Variants in OXR1 observed in about 807,000 individuals in gnomAD.
OXR1 encodes the protein oxidation resistance protein 1.
Under a neutral mutation model 104.6 loss-of-function variants are expected in OXR1, and 41 were observed. The ratio of observed to expected loss-of-function variants is 0.39; its 90% CI spans 0.31 to 0.51. The LOEUF is 0.51. Ranked by LOEUF, OXR1 falls within the 20% of genes least tolerant of loss-of-function variation. The pLI, the probability that OXR1 is intolerant of heterozygous loss-of-function variation, is 0.77. For synonymous variants in OXR1, 348 were observed against 348.4 expected (o/e 1.00, Z 0.01); for missense variants, 955 against 1,031.9 (o/e 0.93, Z 1.02).
At chr8:106,687,309 A>G (rs1270379162) in intron 6 of OXR1, among the ~76,000 whole-genome samples, 1 of 152,088 alleles carries the variant, frequency 6.6e-6, no homozygotes. Context: ...AAATTTAGGT[A>G]TCTGTTTCTC....
At chr8:106,443,924 A>C (rs1300272168) in intron 2 of OXR1, among the ~76,000 whole-genome samples, 1 of 152,194 alleles carries the variant, frequency 6.6e-6, no homozygotes. Context: ...GAATGGGAGA[A>C]AATTTTTGAA....
chr8:106,740,258 G>A (rs1014947569), intron 13 of OXR1, 85 bp from the exon 14 acceptor site: 1 of 909,920 alleles, frequency 1.1e-6, no homozygotes, highest in Non-Finnish European at 1.7e-6. Flanking sequence ...TATTATATAG[G>A]CACCATTACA....
chr8:106,673,023 A>T (rs1416121484), intron 3 of OXR1, among the ~76,000 whole-genome samples: 2 of 152,174 alleles, frequency 1.3e-5, no homozygotes, highest in African/African-American at 4.8e-5. Flanking sequence ...TGGAACTACA[A>T]AGTGGGGTAC....
intron 1 of OXR1, among the ~76,000 whole-genome samples, chr8:106,346,488 G>C (rs1467344787): frequency 6.6e-6 from 1 of 152,144 alleles, no homozygotes; most frequent in Non-Finnish European, 1.5e-5. Flanking sequence ...AGAACATAAA[G>C]AATTGTGGCT....
In OXR1 at chr8:106,604,690, T is replaced by A. The variant is rs75240871; in HGVS notation, c.221-74520T>A. The stretch of plus-strand genomic sequence containing the variant: ...ATAAACGTTTCTAGGAAACAGATGC[T>A]TAACAAATGGTTGTACAGCTGTTTG... On this transcript the variant is annotated intron_variant, in intron 3 of 16. Transcript: ENST00000517566. 725 of 152,324 alleles carry A rather than the reference T, an allele frequency of 4.8e-3. 9 individuals are homozygous for A. The highest frequency in any genetic ancestry group is 0.017 in the African/African-American group (694 of 41,582). The allele number at this position is 152,324 out of a possible 1,614,324, so 9.4% of individuals were successfully genotyped here. A position where few individuals can be genotyped will look rare whatever the true frequency, so the allele number is the denominator to read the frequency against.
At chr8:106,601,419 G>A (rs1050713682) in intron 3 of OXR1, among the ~76,000 whole-genome samples, 1 of 152,174 alleles carries the variant, frequency 6.6e-6, no homozygotes, top group African/African-American at 2.4e-5. Flanking sequence ...ATCTGGGTCT[G>A]GTGAAGCACT....
chr8:106,653,799 C>T (rs1488019138), intron 3 of OXR1, among the ~76,000 whole-genome samples: 2 of 151,866 alleles, frequency 1.3e-5, no homozygotes, highest in African/African-American at 2.4e-5. Context: ...ACAAAACCAC[C>T]TTTATTTACA....
At chr8:106,365,647 G>C (rs552192605) in intron 2 of OXR1, among the ~76,000 whole-genome samples, 6 of 152,076 alleles carry the variant, frequency 3.9e-5, no homozygotes, top group Admixed American at 2.0e-4. Context: ...ATTTTGATTT[G>C]GGATTGACAC....
At chr8:106,458,483 GC>G (rs1445921254) in intron 2 of OXR1, among the ~76,000 whole-genome samples, 1 of 152,166 alleles carries the variant, frequency 6.6e-6, no homozygotes, top group East Asian at 1.9e-4. Flanking sequence ...GTTGTGGATA[GC>G]CTAGTGGCCC....
At chr8:106,731,807 G>A (rs1002168925) in intron 11 of OXR1, among the ~76,000 whole-genome samples, 5 of 152,152 alleles carry the variant, frequency 3.3e-5, no homozygotes, top group Non-Finnish European at 7.4e-5. Context: ...AGTATAGTAA[G>A]TCTTGAAGTT....
chr8:106,728,342 A>G (rs1833547928), intron 11 of OXR1, among the ~76,000 whole-genome samples: 1 of 152,094 alleles, frequency 6.6e-6, no homozygotes, highest in African/African-American at 2.4e-5. Flanking sequence ...CCAACAAATA[A>G]TATGGCCATA....
At chr8:106,360,243 T>C (rs959345691) in intron 2 of OXR1, among the ~76,000 whole-genome samples, 52 of 152,192 alleles carry the variant, frequency 3.4e-4, no homozygotes, top group Non-Finnish European at 7.5e-4. Flanking sequence ...TCTATAGCAA[T>C]GAAGAACAAT....
At chr8:106,457,729 A>G (rs1036495198) in intron 2 of OXR1, among the ~76,000 whole-genome samples, 10 of 152,228 alleles carry the variant, frequency 6.6e-5, no homozygotes, top group African/African-American at 2.4e-4. Context: ...AGTAAATGCC[A>G]TTCTGATGAG....
At chr8:106,360,269 T>G (rs1016963526) in intron 2 of OXR1, among the ~76,000 whole-genome samples, 1 of 152,150 alleles carries the variant, frequency 6.6e-6, no homozygotes, top group Non-Finnish European at 1.5e-5. Context: ...TAGGGATAAA[T>G]TTGAAGGTAT....
intron 11 of OXR1, among the ~76,000 whole-genome samples, chr8:106,717,368 A>G (rs1832369141): frequency 6.6e-6 from 1 of 152,150 alleles, no homozygotes; most frequent in Non-Finnish European, 1.5e-5. Context: ...TTGTTCTACA[A>G]AGGAATGGAG....
chr8:106,635,963 T>C (rs776315035), intron 3 of OXR1, among the ~76,000 whole-genome samples: 2 of 152,222 alleles, frequency 1.3e-5, no homozygotes, highest in Non-Finnish European at 1.5e-5. Context: ...GTAGATGTTA[T>C]ACTTGTGAAT....
intron 3 of OXR1, among the ~76,000 whole-genome samples, chr8:106,605,623 C>T (rs1274723085): frequency 6.5e-5 from 9 of 138,130 alleles, no homozygotes; most frequent in Non-Finnish European, 1.2e-4. Flanking sequence ...GGTGAAACCC[C>T]GTCTCTACTA....
chr8:106,395,956 A>C (rs1275467859), intron 2 of OXR1, among the ~76,000 whole-genome samples: 1 of 152,106 alleles, frequency 6.6e-6, no homozygotes, highest in African/African-American at 2.4e-5. Flanking sequence ...CACAGGGGCC[A>C]ACCTAAATGA....
chr8:106,637,507 C>A (rs1823240229), intron 3 of OXR1, among the ~76,000 whole-genome samples: 1 of 152,056 alleles, frequency 6.6e-6, no homozygotes, highest in African/African-American at 2.4e-5. Context: ...AAGGGGAACT[C>A]AAAAACCAGA....
Sources: gnomAD v4.1 joint callset for allele counts (sites outside exome capture counted in the v4.1 genomes callset) on GRCh38, gnomAD v4.1.1 for gene constraint, MANE v1.5 for transcripts, NCBI Gene and HGNC (gene_info 2026-07-23, HGNC 2026-07-21) for gene names.